Variants in GLRA3 observed in about 807,000 individuals in gnomAD.
GLRA3 encodes the protein glycine receptor alpha 3.
GLRA3 carries 44 observed loss-of-function variants against 60.4 expected under a neutral mutation model. The observed-to-expected ratio is 0.73, with a 90% CI of 0.57 to 0.94. The LOEUF (loss-of-function observed/expected upper bound fraction) is 0.94, where lower values mean the gene tolerates loss of function less well. Among genes scored for constraint, GLRA3 ranks in the 40% least tolerant of loss-of-function variants. The pLI is 0.00. For synonymous variants in GLRA3, 223 were observed against 192.9 expected, an observed-to-expected ratio of 1.16 and a Z score of -1.29; for missense variants, 508 against 564.6, an observed-to-expected ratio of 0.90 and a Z score of 1.02.
intron 5 of GLRA3, among the ~76,000 whole-genome samples, chr4:174,691,116 C>T (rs914202365): frequency 6.6e-6 from 1 of 152,192 alleles, no homozygotes; most frequent in African/African-American, 2.4e-5. Context: ...AATGGTTGAA[C>T]TTATTTACAC....
intron 3 of GLRA3, 52 bp from the exon 4 acceptor site, chr4:174,728,750 T>A (rs1417430867): frequency 8.4e-7 from 1 of 1,184,076 alleles, no homozygotes; most frequent in African/African-American, 1.5e-5. Flanking sequence ...TTTAAAAAGT[T>A]TAAAATCCAT....
intron 2 of GLRA3, among the ~76,000 whole-genome samples, chr4:174,788,589 G>GAAA (rs1739205765): frequency 2.7e-5 from 1 of 37,028 alleles, no homozygotes; most frequent in East Asian, 4.4e-4. Flanking sequence ...AGTTAGAGAA[G>GAAA]TAAAAAAAAA....
At chr4:174,702,584 T>C (rs1735362537) in intron 5 of GLRA3, among the ~76,000 whole-genome samples, 1 of 152,184 alleles carries the variant, frequency 6.6e-6, no homozygotes, top group South Asian at 2.1e-4. Flanking sequence ...TTTTTATTTT[T>C]TGAGACAGAG....
Position 174,766,980 on chromosome 4 carries a change from T to C in GLRA3, c.250A>G (p.Ile84Val), listed in dbSNP as rs961647000. The C allele has an allele frequency of 3.1e-6, 5 of 1,592,710 alleles. No homozygotes were observed. The highest frequency in any genetic ancestry group is 4.3e-6 in the Non-Finnish European group (5 of 1,163,344). The change falls in exon 3 of 10, where the codon ATC (isoleucine) becomes GTC (valine). Residue 84 changes from isoleucine (I) to valine (V), a missense_variant. Physicochemically the swap from Ile to Val is conservative, Grantham distance 29. This residue lies in a region of GLRA3 where 329 missense variants were observed against 349.3 expected (regional missense o/e 0.94). Coordinates refer to ENST00000274093, the MANE Select transcript of GLRA3 (RefSeq NM_006529.4). The part of the protein sequence containing the change: ...CNIFINSFGS[I>V]AETTMDYRVN... ...ATGCCTACCATGGTCGTCTCTGCGATAGAGCCAAAGCTGTTGATGAATATG... is the reference window on the plus strand; with the variant it reads ...ATGCCTACCATGGTCGTCTCTGCGACAGAGCCAAAGCTGTTGATGAATATG...
At chr4:174,813,172 C>T (rs1311111748) in intron 1 of GLRA3, among the ~76,000 whole-genome samples, 1 of 152,008 alleles carries the variant, frequency 6.6e-6, no homozygotes, top group Non-Finnish European at 1.5e-5. Context: ...TCATATTTTC[C>T]AATGAAAAGA....
At chr4:174,786,284 G>C (rs1027844856) in intron 2 of GLRA3, among the ~76,000 whole-genome samples, 4 of 151,870 alleles carry the variant, frequency 2.6e-5, no homozygotes, top group Non-Finnish European at 5.9e-5. Flanking sequence ...CAAGGCAAGG[G>C]ATTGTATTTT....
intron 8 of GLRA3, 106 bp downstream of exon 8, chr4:174,658,948 T>G (rs1579399131): frequency 1.1e-6 from 1 of 917,946 alleles, no homozygotes; most frequent in South Asian, 1.7e-5. Flanking sequence ...TTATATCATT[T>G]CATCCCCAGT....
rs1732672824 is a variant in GLRA3 at position 174,643,064 on chromosome 4, A to T, written c.*722T>A. 1.0e-6 allele frequency: 1 copy of T among 956,554 alleles called. No individual in the cohort carries two copies. Among genetic ancestry groups the T allele is most frequent in the African/African-American group, 1.8e-5 (1 of 56,012 alleles). The allele number at this position is 956,554 out of a possible 1,614,324, so 59.3% of individuals were successfully genotyped here. ...TACATAGCTATAATACTTATTTAAAAACAAAGTTGTTTCCCGTATTTCCAC... is the reference window on the plus strand; with the variant it reads ...TACATAGCTATAATACTTATTTAAATACAAAGTTGTTTCCCGTATTTCCAC... On this transcript the variant is annotated 3_prime_UTR_variant, in exon 10 of 10. Coordinates refer to ENST00000274093, the MANE Select transcript of GLRA3 (RefSeq NM_006529.4).
rs368600422 is a variant in GLRA3, at chr4:174,777,815, T to G, written c.200-10785A>C. On this transcript the variant is annotated intron_variant, in intron 2 of 9. Transcript: ENST00000274093. ...ACTGTTGGGGAGGAGAGGGCAGATATGCACTTTCCAATCAATTATTCTGTA... is the reference window on the plus strand; with the variant it reads ...ACTGTTGGGGAGGAGAGGGCAGATAGGCACTTTCCAATCAATTATTCTGTA... 2.0e-5 allele frequency among the ~76,000 whole-genome samples: 3 copies of G among 152,194 alleles called. No individual in the cohort carries two copies. The East Asian group carries it at 5.8e-4, about 29-fold the overall frequency.
At chr4:174,653,635 A>C (rs1321525989) in intron 9 of GLRA3, among the ~76,000 whole-genome samples, 2 of 151,980 alleles carry the variant, frequency 1.3e-5, no homozygotes, top group Non-Finnish European at 2.9e-5. Flanking sequence ...AGGACGGATA[A>C]GAAATCAATG....
At chr4:174,679,964 T>A (rs1734278869) in intron 6 of GLRA3, among the ~76,000 whole-genome samples, 1 of 152,172 alleles carries the variant, frequency 6.6e-6, no homozygotes, top group South Asian at 2.1e-4. Context: ...TTAACAATAC[T>A]TTATCGTACA....
intron 1 of GLRA3, among the ~76,000 whole-genome samples, chr4:174,797,599 T>C (rs1739621540): frequency 6.6e-6 from 1 of 152,136 alleles, no homozygotes; most frequent in Admixed American, 6.5e-5. Context: ...CATTCAAGTA[T>C]TGAAACAGAA....
chr4:174,723,749 T>C (rs1265662401), intron 4 of GLRA3, among the ~76,000 whole-genome samples: 2 of 152,032 alleles, frequency 1.3e-5, no homozygotes, highest in Non-Finnish European at 2.9e-5. Flanking sequence ...ATTTATACCC[T>C]GTCATGGGTC....
chr4:174,661,008 A>G (rs1005605792), intron 7 of GLRA3, among the ~76,000 whole-genome samples: 1 of 152,274 alleles, frequency 6.6e-6, no homozygotes, highest in African/African-American at 2.4e-5. Flanking sequence ...TTCATCTTGT[A>G]CTTTTCCTGT....
At chr4:174,794,796 T>G (rs1434416640) in intron 1 of GLRA3, among the ~76,000 whole-genome samples, 5 of 152,156 alleles carry the variant, frequency 3.3e-5, no homozygotes. Context: ...GTAAAAATTC[T>G]ATTTGAAATA....
chr4:174,731,395 C>T (rs1736539585), intron 3 of GLRA3, among the ~76,000 whole-genome samples: 1 of 152,058 alleles, frequency 6.6e-6, no homozygotes, highest in South Asian at 2.1e-4. Flanking sequence ...AATAACTAGA[C>T]TTGAAATAAC....
At chr4:174,683,343 G>C (rs977485476) in intron 5 of GLRA3, among the ~76,000 whole-genome samples, 1 of 151,206 alleles carries the variant, frequency 6.6e-6, no homozygotes, top group Admixed American at 6.6e-5. Context: ...ATTGTCACTC[G>C]TTAGAAAATG....
intron 5 of GLRA3, among the ~76,000 whole-genome samples, chr4:174,697,178 T>G (rs1052159756): frequency 2.0e-5 from 3 of 152,194 alleles, no homozygotes; most frequent in South Asian, 2.1e-4. Context: ...TACACTTAAG[T>G]TGAAAACGAG....
intron 5 of GLRA3, among the ~76,000 whole-genome samples, chr4:174,684,823 C>A (rs1228392542): frequency 6.6e-6 from 1 of 152,142 alleles, no homozygotes; most frequent in African/African-American, 2.4e-5. Flanking sequence ...GCCTGGCCAA[C>A]ATGGTGAAAG....
Sources: allele counts gnomAD v4.1 joint callset (sites outside exome capture counted in the v4.1 genomes callset), GRCh38; gene constraint gnomAD v4.1.1; regional missense constraint gnomAD v4.1.1; transcripts MANE v1.5; gene names NCBI Gene and HGNC (gene_info 2026-07-23, HGNC 2026-07-21).